Variants in PFDN1 observed in about 807,000 individuals in gnomAD.
PFDN1 encodes the protein prefoldin subunit 1, also known as prefoldin 1.
A neutral mutation model predicts 17.3 loss-of-function variants in PFDN1; 6 were observed. That is an observed-to-expected ratio of 0.35 (90% CI 0.19 to 0.69). The LOEUF (loss-of-function observed/expected upper bound fraction) is 0.69. Ranked by LOEUF, PFDN1 falls within the 30% of genes least tolerant of loss-of-function variation. PFDN1 has a pLI of 0.65. For missense variants in PFDN1, 113 were observed against 146.2 expected (o/e 0.77, Z 1.17); for synonymous variants, 58 against 50.1 (o/e 1.16, Z -0.67).
At chr5:140,276,648 C>T (rs940080929) in intron 3 of PFDN1, among the ~76,000 whole-genome samples, 3 of 151,604 alleles carry the variant, frequency 2.0e-5, no homozygotes, top group Admixed American at 6.6e-5. Context: ...GGCGTGGTGG[C>T]ACACACCTGT....
intron 3 of PFDN1, among the ~76,000 whole-genome samples, chr5:140,277,369 A>G (rs1008472472): frequency 6.6e-6 from 1 of 152,206 alleles, no homozygotes; most frequent in African/African-American, 2.4e-5. Flanking sequence ...AGAAGGCTGG[A>G]TATGGTAAAA....
chr5:140,287,444 G>C (rs1274159178), intron 2 of PFDN1, among the ~76,000 whole-genome samples: 1 of 152,204 alleles, frequency 6.6e-6, no homozygotes, highest in Admixed American at 6.5e-5. Context: ...GCCTAGAAAC[G>C]GTAACACCTC....
At chr5:140,274,300 A>AAAT in intron 3 of PFDN1, among the ~76,000 whole-genome samples, 1 of 152,354 alleles carries the variant, frequency 6.6e-6, no homozygotes, top group Middle Eastern at 3.4e-3. Context: ...TTACAAAGAC[A>AAAT]AATGAGACAT....
chr5:140,254,780 G>A lies in PFDN1; in HGVS notation c.286-8723C>T, dbSNP rs945092928. Reference sequence around the variant, plus strand: ...CTCGCTCCAGCATTTCTTCAACCTCGTCACGCAACAACTTGTTCATTTTCC... The same window carrying A: ...CTCGCTCCAGCATTTCTTCAACCTCATCACGCAACAACTTGTTCATTTTCC... On this transcript the variant is annotated intron_variant, in intron 3 of 3. Coordinates refer to ENST00000261813, the MANE Select transcript of PFDN1 (RefSeq NM_002622.5). This position sits in a 1 kb window ranked among gnomAD's most constrained non-coding sequence, Gnocchi z 4.4. Among the ~76,000 whole-genome samples, 2 of 152,096 alleles carry A rather than the reference G, an allele frequency of 1.3e-5. No homozygotes were observed. The highest frequency in any genetic ancestry group is 2.9e-5 in the Non-Finnish European group (2 of 68,026).
chr5:140,302,570 C>G (rs910137761), intron 1 of PFDN1, among the ~76,000 whole-genome samples: 1 of 152,138 alleles, frequency 6.6e-6, no homozygotes, highest in Non-Finnish European at 1.5e-5. Flanking sequence ...GTTTTCCGAA[C>G]TGTAGATATT....
chr5:140,251,762 A>G (rs531915256), intron 3 of PFDN1, among the ~76,000 whole-genome samples: 4 of 152,126 alleles, frequency 2.6e-5, no homozygotes, highest in African/African-American at 9.6e-5. Flanking sequence ...ACATTGTTGG[A>G]GTTATTGCTC....
At chr5:140,302,993 C>T (rs1351301685) in intron 1 of PFDN1, 48 bp downstream of exon 1, 7 of 1,352,968 alleles carry the variant, frequency 5.2e-6, no homozygotes, top group Non-Finnish European at 7.4e-6. Flanking sequence ...CTATAGTCCC[C>T]TCAGCCTCCA....
intron 2 of PFDN1, among the ~76,000 whole-genome samples, chr5:140,291,705 C>T (rs146291317): frequency 6.6e-6 from 1 of 151,502 alleles, no homozygotes; most frequent in Admixed American, 6.6e-5. Context: ...GGGCTAAGGA[C>T]AAAGTAAATT....
intron 3 of PFDN1, among the ~76,000 whole-genome samples, chr5:140,273,244 CAAAAAAA>C (rs1204221243): frequency 7.4e-5 from 5 of 67,258 alleles, no homozygotes; most frequent in African/African-American, 6.1e-5. Context: ...GACTCCATCT[CAAAAAAA>C]AAAAAAAAAA....
intron 3 of PFDN1, among the ~76,000 whole-genome samples, chr5:140,268,347 A>T (rs1349859006): frequency 1.3e-5 from 2 of 152,200 alleles, no homozygotes; most frequent in African/African-American, 4.8e-5. Flanking sequence ...ATAAGATACA[A>T]TTCATTAAAA....
intron 3 of PFDN1, among the ~76,000 whole-genome samples, chr5:140,276,606 C>G (rs1415490098): frequency 5.9e-5 from 9 of 151,590 alleles, no homozygotes; most frequent in Admixed American, 2.0e-4. Flanking sequence ...CATGCAAAAC[C>G]CTGTCTCTAC....
chr5:140,281,278 T>TA (rs1765393709), intron 3 of PFDN1, 171 bp downstream of exon 3: 1 of 525,420 alleles, frequency 1.9e-6, no homozygotes, highest in Non-Finnish European at 3.4e-6. Flanking sequence ...GTTTTGGTCT[T>TA]ATATGCGCTA....
chr5:140,279,995 C>CAAAAAAAAAAAAAAAAAAAAAAAAAAAA (rs772575762), intron 3 of PFDN1, among the ~76,000 whole-genome samples: 15 of 31,264 alleles, frequency 4.8e-4, no homozygotes, highest in Admixed American at 7.5e-4. Context: ...AACTCCGTCT[C>CAAAAAAAAAAAAAAAAAAAAAAAAAAAA]AAAAAAAAAA....
At chr5:140,302,227 A>C (rs1765758820) in intron 1 of PFDN1, among the ~76,000 whole-genome samples, 1 of 152,212 alleles carries the variant, frequency 6.6e-6, no homozygotes, top group African/African-American at 2.4e-5. Context: ...CCTTTTCCAG[A>C]AAAGTAGATT....
intron 3 of PFDN1, among the ~76,000 whole-genome samples, chr5:140,252,957 G>A (rs1024191856): frequency 2.0e-5 from 3 of 152,180 alleles, no homozygotes; most frequent in Admixed American, 1.3e-4. Context: ...AGCGGTCCAC[G>A]GATATGCCCA....
intron 2 of PFDN1, chr5:140,281,884 A>AT (rs1389279420): frequency 5.7e-6 from 1 of 174,244 alleles, no homozygotes; most frequent in Non-Finnish European, 1.2e-5. Context: ...TAAAAAAAAA[A>AT]GCGGGGGGGT....
chr5:140,256,728 T>C lies in PFDN1; in HGVS notation c.286-10671A>G, dbSNP rs1299756430. ...CCCTACATGGCACATCCCTGATTTT[T>C]TTCTTTTCCTCAATCCCCACACCTT... On this transcript the variant is annotated intron_variant, in intron 3 of 3. Transcript: ENST00000261813. Among the ~76,000 whole-genome samples the C allele has an allele frequency of 3.3e-5, 5 of 151,418 alleles. No individual in the cohort carries two copies. The East Asian group carries it at 5.8e-4, about 18-fold the overall frequency.
At chr5:140,269,609 G>A (rs1312689736) in intron 3 of PFDN1, among the ~76,000 whole-genome samples, 3 of 152,194 alleles carry the variant, frequency 2.0e-5, no homozygotes, top group Admixed American at 6.5e-5. Context: ...GTGAGCCACC[G>A]TGACCCGCCT....
intron 3 of PFDN1, among the ~76,000 whole-genome samples, chr5:140,255,605 T>C (rs1013431924): frequency 2.6e-5 from 4 of 152,158 alleles, no homozygotes; most frequent in Non-Finnish European, 5.9e-5. Context: ...ATCATGCCAC[T>C]GCACTCAAGC....
Sources: allele counts gnomAD v4.1 joint callset (sites outside exome capture counted in the v4.1 genomes callset), GRCh38; gene constraint gnomAD v4.1.1; non-coding constraint Gnocchi (gnomAD v3.1); transcripts MANE v1.5; gene names NCBI Gene and HGNC (gene_info 2026-07-23, HGNC 2026-07-21).